The following KMT2C variants were observed in gnomAD, a reference collection of about 807,000 sequenced individuals.
KMT2C encodes lysine methyltransferase 2C, also known as histone-lysine N-methyltransferase 2C.
In KMT2C, 88 loss-of-function variants were observed where a neutral mutation model predicts 507.9. The ratio of observed to expected loss-of-function variants is 0.17; its 90% CI spans 0.15 to 0.21. The LOEUF is 0.21. Among genes scored for constraint, KMT2C ranks in the 10% least tolerant of loss-of-function variants. The pLI, the probability that KMT2C is intolerant of heterozygous loss-of-function variation, is 1.00. For missense variants in KMT2C, 4,954 were observed against 5,957.8 expected (o/e 0.83, Z 5.55); for synonymous variants, 2,049 against 2,080.8 (o/e 0.98, Z 0.42).
chr7:152,237,140 T>C lies in KMT2C; in HGVS notation c.2653-1207A>G, dbSNP rs193184212. 5.9e-3 allele frequency among the ~76,000 whole-genome samples: 900 copies of C among 152,300 alleles called. 8 individuals carry two copies. Among genetic ancestry groups the C allele is most frequent in the Middle Eastern group, 0.01 (3 of 294 alleles). ...GATGAATTATGTATATTTAAAATTA[T>C]CCAGATGCTCAGGAAAATACTTAGA... On this transcript the variant is annotated intron_variant, in intron 15 of 58. Coordinates refer to ENST00000262189, the MANE Select transcript of KMT2C (RefSeq NM_170606.3).
chr7:152,434,849 G>A (rs1003138877), intron 1 of KMT2C, among the ~76,000 whole-genome samples: 1 of 152,140 alleles, frequency 6.6e-6, no homozygotes, highest in Non-Finnish European at 1.5e-5. Flanking sequence ...GACTTACGAG[G>A]GAAGCGACAT....
intron 6 of KMT2C, among the ~76,000 whole-genome samples, chr7:152,274,262 T>C (rs976203945): frequency 6.6e-6 from 1 of 152,174 alleles, no homozygotes; most frequent in African/African-American, 2.4e-5. Context: ...ATATATTTTA[T>C]TTATGAGACA....
At chr7:152,315,070 A>T in intron 4 of KMT2C, 68 bp downstream of exon 4, 1 of 1,329,470 alleles carries the variant, frequency 7.5e-7, no homozygotes, top group Non-Finnish European at 1.1e-6. Flanking sequence ...AAATTTATAA[A>T]CATTATAATG....
chr7:152,139,605 G>A (rs958518374), intron 56 of KMT2C, 70 bp downstream of exon 56: 2 of 1,031,230 alleles, frequency 1.9e-6, no homozygotes, highest in Admixed American at 1.8e-5. Flanking sequence ...CTTCCAGGGT[G>A]TCTGGCTGGC....
At chr7:152,334,234 T>C (rs2096911964) in intron 2 of KMT2C, among the ~76,000 whole-genome samples, 3 of 152,186 alleles carry the variant, frequency 2.0e-5, no homozygotes. Context: ...GGCAGGCAGA[T>C]CACCTGAGGT....
At chr7:152,364,213 C>T (rs541516501) in intron 1 of KMT2C, among the ~76,000 whole-genome samples, 14 of 152,234 alleles carry the variant, frequency 9.2e-5, no homozygotes, top group African/African-American at 3.4e-4. Flanking sequence ...TATAAGTATG[C>T]CTCATATGCG....
chr7:152,409,280 T>G (rs1481388596), intron 1 of KMT2C, among the ~76,000 whole-genome samples: 1 of 152,088 alleles, frequency 6.6e-6, no homozygotes, highest in Non-Finnish European at 1.5e-5. Context: ...GTGCTGGGAT[T>G]AGAGGTGTGA....
At chr7:152,250,782 T>C in intron 12 of KMT2C, 71 bp downstream of exon 12, 1 of 833,688 alleles carries the variant, frequency 1.2e-6, no homozygotes, top group Non-Finnish European at 2.0e-6. Flanking sequence ...GAAGTTTTAG[T>C]CAATATTCAC....
chr7:152,169,076 C>T, intron 41 of KMT2C, 110 bp downstream of exon 41: 1 of 651,144 alleles, frequency 1.5e-6, no homozygotes, highest in Non-Finnish European at 2.8e-6. Context: ...GACAGGAGGG[C>T]ACCTGGGCTT....
At chr7:152,172,550 G>C (rs933470715) in intron 39 of KMT2C, among the ~76,000 whole-genome samples, 2 of 152,124 alleles carry the variant, frequency 1.3e-5, no homozygotes, top group African/African-American at 4.8e-5. Flanking sequence ...ACAAAAATTA[G>C]CTGCGCATGG....
At chr7:152,289,427 T>C (rs2096366790) in intron 6 of KMT2C, among the ~76,000 whole-genome samples, 1 of 152,204 alleles carries the variant, frequency 6.6e-6, no homozygotes, top group Admixed American at 6.5e-5. Flanking sequence ...AAACGAGAAA[T>C]AAAGAGTAAA....
At chr7:152,328,873 T>C (rs1410519244) in intron 3 of KMT2C, among the ~76,000 whole-genome samples, 1 of 152,136 alleles carries the variant, frequency 6.6e-6, no homozygotes, top group South Asian at 2.1e-4. Context: ...ACTGGCATTA[T>C]TTATTGAAAT....
chr7:152,159,018 T>G lies in KMT2C; in HGVS notation c.11515A>C (p.Lys3839Gln), dbSNP rs771894291. The change falls in exon 44 of 59, where the codon AAA becomes CAA. Residue 3839 changes from lysine to glutamine, a missense_variant. Physicochemically the swap from Lys to Gln is moderately conservative, Grantham distance 53 (BLOSUM62 1). Coordinates refer to ENST00000262189, the MANE Select transcript of KMT2C (RefSeq NM_170606.3). The part of the protein sequence containing the change: ...GGFGCGNQLP[K>Q]TDGGSETKKQ... ...TTGGTTTCACTTCCTCCATCTGTTT[T>G]TGGCAACTGGTTGCCACATCCAAAA... The G allele has an allele frequency of 1.2e-6, 2 of 1,614,218 alleles. No individual in the cohort carries two copies. Among genetic ancestry groups the G allele is most frequent in the Admixed American group, 3.3e-5 (2 of 60,024 alleles).
rs1451877742 is a variant in KMT2C, at chr7:152,151,595, A to G, written c.12527-14T>C. ...ATCCAGAAAGACCTAAAGGCAATCAACTTTTGTTAGTAATTAAAACTGACT... is the reference window on the plus strand; with the variant it reads ...ATCCAGAAAGACCTAAAGGCAATCAGCTTTTGTTAGTAATTAAAACTGACT... On this transcript the variant is annotated splice_polypyrimidine_tract_variant and intron_variant, in intron 49 of 58. Transcript: ENST00000262189. 2 of 1,611,112 alleles carry G rather than the reference A, an allele frequency of 1.2e-6. No homozygotes were observed. Among genetic ancestry groups the G allele is most frequent in the Non-Finnish European group, 1.7e-6 (2 of 1,178,490 alleles).
chr7:152,152,712 T>C lies in KMT2C; in HGVS notation c.12519A>G (p.Thr4173=), dbSNP rs1003632233. 1 of 1,613,840 alleles carries C rather than the reference T, an allele frequency of 6.2e-7. No individual in the cohort carries two copies. The highest frequency in any genetic ancestry group is 8.5e-7 in the Non-Finnish European group (1 of 1,179,850). ...AAAAGCTCACTAGCTCACCATTGCT[T>C]GTTGGAGGAAATGGTACATTAGGCT... The part of the protein sequence containing the change: ...LKQPNVPFPP[T]SNGLSGYKDS... Residue 4173 remains threonine (T), a synonymous_variant, in exon 49 of 59, where the codon ACA becomes ACG. Transcript: ENST00000262189.
At chr7:152,345,749 G>C (rs1044196568) in intron 2 of KMT2C, among the ~76,000 whole-genome samples, 21 of 152,236 alleles carry the variant, frequency 1.4e-4, no homozygotes, top group African/African-American at 3.9e-4. Context: ...TCAAACTCCT[G>C]ACCTCAGGCG....
chr7:152,175,726 C>T (rs2093175063), intron 38 of KMT2C, among the ~76,000 whole-genome samples: 1 of 152,164 alleles, frequency 6.6e-6, no homozygotes, highest in African/African-American at 2.4e-5. Flanking sequence ...CCACTGTGCC[C>T]AGCCAACTGC....
At chr7:152,375,674 A>G (rs2097323896) in intron 1 of KMT2C, among the ~76,000 whole-genome samples, 1 of 151,864 alleles carries the variant, frequency 6.6e-6, no homozygotes, top group Non-Finnish European at 1.5e-5. Context: ...TGTGAGCCAT[A>G]GTACCCAGCC....
chr7:152,173,117 T>C (rs1238615795), intron 39 of KMT2C, among the ~76,000 whole-genome samples: 2 of 152,122 alleles, frequency 1.3e-5, no homozygotes, highest in African/African-American at 4.8e-5. Context: ...ATAATGAAAA[T>C]CATTGGAAAC....
Sources: gnomAD v4.1 joint callset for allele counts (sites outside exome capture counted in the v4.1 genomes callset) on GRCh38, gnomAD v4.1.1 for gene constraint, MANE v1.5 for transcripts, NCBI Gene and HGNC (gene_info 2026-07-23, HGNC 2026-07-21) for gene names.